The following TRAF7 variants were observed in gnomAD, a reference collection of about 807,000 sequenced individuals.
TRAF7 encodes the protein TNF receptor associated factor 7, also known as E3 ubiquitin-protein ligase TRAF7.
In TRAF7, 45 loss-of-function variants were observed where a neutral mutation model predicts 89.3. The observed-to-expected ratio is 0.50, with a 90% CI of 0.40 to 0.65. The LOEUF (loss-of-function observed/expected upper bound fraction) is 0.65. Ranked by LOEUF, TRAF7 falls within the 30% of genes least tolerant of loss-of-function variation. The pLI, the probability that TRAF7 is intolerant of heterozygous loss-of-function variation, is 0.00. For missense variants in TRAF7, 677 were observed against 918.1 expected, an observed-to-expected ratio of 0.74 and a Z score of 3.39; for synonymous variants, 406 against 369.2, an observed-to-expected ratio of 1.10 and a Z score of -1.14.
chr16:2,175,694 C>G (rs1287319368), intron 17 of TRAF7, 72 bp downstream of exon 17: 1 of 1,591,208 alleles, frequency 6.3e-7, no homozygotes, highest in Non-Finnish European at 8.6e-7. Context: ...GCACCTGGGG[C>G]TCCATCTGCC....
In TRAF7 at chr16:2,176,036, C is replaced by T. The variant is rs371518093; in HGVS notation, c.1747-13C>T. ...CTCAGTGTCTTTGACCTGCCTGTGC[C>T]CACCCCTCCCAGGTGTGGGACATTG... On this transcript the variant is annotated splice_polypyrimidine_tract_variant and intron_variant, in intron 18 of 20. Transcript: ENST00000326181. 34 of 1,607,594 alleles carry T rather than the reference C, an allele frequency of 2.1e-5. No individual in the cohort carries two copies. Among genetic ancestry groups the T allele is most frequent in the Non-Finnish European group, 2.7e-5 (32 of 1,176,366 alleles).
At position 2,170,675 on chromosome 16, in the gene TRAF7, A is replaced by G; in HGVS notation, c.293A>G (p.Glu98Gly). Residue 98 changes from glutamate to glycine, a missense_variant, in exon 5 of 21, where the codon GAG becomes GGG. Glu to Gly is a moderately conservative substitution (Grantham distance 98). Coordinates refer to ENST00000326181, the MANE Select transcript of TRAF7 (RefSeq NM_032271.3). ...ATCTCTGTCCGCTCCCTGCACTCAGAGTCCAGCATGTCTCTGCGCTCCACA... is the reference window on the plus strand; with the variant it reads ...ATCTCTGTCCGCTCCCTGCACTCAGGGTCCAGCATGTCTCTGCGCTCCACA... ...SAISVRSLHS[E>G]SSMSLRSTFS... is the part of the protein sequence containing the mutation. 2 of 1,609,614 alleles carry G rather than the reference A, an allele frequency of 1.2e-6. No homozygotes were observed. Among genetic ancestry groups the G allele is most frequent in the Non-Finnish European group, 8.5e-7 (1 of 1,178,424 alleles).
intron 1 of TRAF7, among the ~76,000 whole-genome samples, chr16:2,157,368 C>G (rs541921173): frequency 2.0e-5 from 3 of 152,244 alleles, no homozygotes; most frequent in East Asian, 1.9e-4. Flanking sequence ...CTGAGGGTCT[C>G]TGGTGAAGTG....
chr16:2,176,534 C>G, intron 20 of TRAF7, 26 bp from the exon 21 acceptor site: 1 of 1,613,278 alleles, frequency 6.2e-7, no homozygotes. Context: ...GCAGGACATC[C>G]TGGTGAAGCA....
intron 4 of TRAF7, among the ~76,000 whole-genome samples, chr16:2,169,025 GC>G (rs1353758052): frequency 6.6e-6 from 1 of 151,940 alleles, no homozygotes; most frequent in Non-Finnish European, 1.5e-5. Flanking sequence ...TGCTCTTGCT[GC>G]CCAGGCTGGA....
chr16:2,165,899 C>A lies in TRAF7; in HGVS notation c.102C>A (p.Phe34Leu). Residue 34 changes from phenylalanine (F) to leucine (L), a missense_variant, in exon 3 of 21, where the codon TTC (phenylalanine) becomes TTA (leucine). Transcript: ENST00000326181. ...VTTGTRMETT[F>L]GPAFSAVTTI... Reference sequence around the variant, plus strand: ...TCTAGACCAGAATGGAAACGACCTTCGGACCCGCCTTTTCAGCCGTCACCA... The same window carrying A: ...TCTAGACCAGAATGGAAACGACCTTAGGACCCGCCTTTTCAGCCGTCACCA... 6.2e-7 allele frequency: 1 copy of A among 1,614,112 alleles called. No homozygotes were observed. Among genetic ancestry groups the A allele is most frequent in the East Asian group, 2.2e-5 (1 of 44,888 alleles).
rs1567244719 is a variant in TRAF7 at position 2,158,796 on chromosome 16, G to A, written c.-39+2938G>A. On this transcript the variant is annotated intron_variant, in intron 1 of 20. Transcript: ENST00000326181. The surrounding 1 kb of genome is among the most constrained non-coding windows in gnomAD (Gnocchi z 4.7). ...GGGGGGGGGGGACACTGCCACCCTT[G>A]GCTCTTGGGCAAAGCTCACGACCTG... Among the ~76,000 whole-genome samples, 1 of 148,186 alleles carries A rather than the reference G, an allele frequency of 6.7e-6. No homozygotes were observed. Among genetic ancestry groups the A allele is most frequent in the Non-Finnish European group, 1.5e-5 (1 of 67,064 alleles).
chr16:2,173,859 T>TGGGGGGGGCCCCCCCCC, intron 12 of TRAF7, 23 bp downstream of exon 12: 1 of 1,246,232 alleles, frequency 8.0e-7, no homozygotes, highest in Non-Finnish European at 1.1e-6. Context: ...CCGCCGTGGC[T>TGGGGGGGGCCCCCCCCC]CCCGCCCACC....
rs1221877679 is a variant in TRAF7 at position 2,174,253 on chromosome 16, G to T, written c.1266G>T (p.Val422=). Residue 422 remains valine, a splice_region_variant and synonymous_variant, in exon 14 of 21, where the codon GTG becomes GTT. Transcript: ENST00000326181. ...CACTGTGGCCCTGGTCTCTGCAGGT[G>T]TGGGACACATGTACCACCTACAAGT... The part of the protein sequence containing the change: ...FSGSSDKTIK[V]WDTCTTYKCQ... 3 of 1,612,888 alleles carry T rather than the reference G, an allele frequency of 1.9e-6. No individual in the cohort carries two copies. The highest frequency in any genetic ancestry group is 2.5e-6 in the Non-Finnish European group (3 of 1,179,850).
In TRAF7 at chr16:2,162,830, C is replaced by T. The variant is rs780640298; in HGVS notation, c.-38-1053C>T. 2.0e-5 allele frequency among the ~76,000 whole-genome samples: 3 copies of T among 152,062 alleles called. No individual in the cohort carries two copies. The highest frequency in any genetic ancestry group is 4.4e-5 in the Non-Finnish European group (3 of 67,994). ...GGGAGCTCAGCTTCAAGCCGGGGCT[C>T]GGCTGCGCTATCCGCTGCCAGCAGG... On this transcript the variant is annotated intron_variant, in intron 1 of 20. Coordinates refer to ENST00000326181, the MANE Select transcript of TRAF7 (RefSeq NM_032271.3). This position sits in a 1 kb window ranked among gnomAD's most constrained non-coding sequence, Gnocchi z 5.0.
In TRAF7 at chr16:2,163,901, C is replaced by G. The variant is rs374884281; in HGVS notation, c.-20C>G. On this transcript the variant is annotated 5_prime_UTR_variant, in exon 2 of 21. Coordinates refer to ENST00000326181, the MANE Select transcript of TRAF7 (RefSeq NM_032271.3). The surrounding 1 kb of genome is among the most constrained non-coding windows in gnomAD (Gnocchi z 4.3). ...CCCACAGGAGGTGCTTCCCAAGGAC[C>G]GTAGATGCCTCTCTAGAGCATGAGC... 11 of 1,609,034 alleles carry G rather than the reference C, an allele frequency of 6.8e-6. No homozygotes were observed. In the East Asian group the frequency reaches 8.9e-5, roughly 13 times the overall value.
At chr16:2,157,414 A>G (rs1033913562) in intron 1 of TRAF7, among the ~76,000 whole-genome samples, 1 of 152,038 alleles carries the variant, frequency 6.6e-6, no homozygotes, top group Non-Finnish European at 1.5e-5. Context: ...AAGTGTTACG[A>G]TATTTCTGGA....
Position 2,174,124 on chromosome 16 carries a change from C to A in TRAF7, c.1263+76C>A, listed in dbSNP as rs1398979932. On this transcript the variant is annotated intron_variant, in intron 13 of 20. Coordinates refer to ENST00000326181, the MANE Select transcript of TRAF7 (RefSeq NM_032271.3). Reference sequence around the variant, plus strand: ...CCACATGCCTGGCACTGCCAGCCTGCCTATGGGTGGGACCTTCTGGGCAGG... The same window carrying A: ...CCACATGCCTGGCACTGCCAGCCTGACTATGGGTGGGACCTTCTGGGCAGG... 2.5e-6 allele frequency: 4 copies of A among 1,604,706 alleles called. No individual in the cohort carries two copies. The Admixed American group carries it at 6.7e-5, about 27-fold the overall frequency.
Position 2,168,372 on chromosome 16 carries a change from G to C in TRAF7, c.231+204G>C. On this transcript the variant is annotated intron_variant, in intron 4 of 20. Coordinates refer to ENST00000326181, the MANE Select transcript of TRAF7 (RefSeq NM_032271.3). The surrounding 1 kb of genome is among the most constrained non-coding windows in gnomAD (Gnocchi z 4.1). ...GTGGCTGGACTGTGGGTGGCAGGGG[G>C]CAGCCAGTGAGGGCAGCTGGGTCAG... 1.8e-6 allele frequency: 1 copy of C among 543,678 alleles called. No individual in the cohort carries two copies. Among genetic ancestry groups the C allele is most frequent in the Non-Finnish European group, 3.3e-6 (1 of 304,806 alleles). 33.7% of individuals were successfully genotyped at this position (543,678 alleles called of 1,614,324 possible).
rs2093096453 is a variant in TRAF7, at chr16:2,168,644, G to A, written c.231+476G>A. 1 of 156,520 alleles carries A rather than the reference G, an allele frequency of 6.4e-6. No individual in the cohort carries two copies. Among genetic ancestry groups the A allele is most frequent in the African/African-American group, 2.4e-5 (1 of 41,554 alleles). The allele number at this position is 156,520 out of a possible 1,614,324, so 9.7% of individuals were successfully genotyped here. On this transcript the variant is annotated intron_variant, in intron 4 of 20. Transcript: ENST00000326181. This position sits in a 1 kb window ranked among gnomAD's most constrained non-coding sequence, Gnocchi z 4.1. ...GGACACCAGAGGCAATGGGGTGGGG[G>A]TTGCGGAACCTGCGCCAAGTGCTGG...
Position 2,157,123 on chromosome 16 carries a change from G to A in TRAF7, c.-39+1265G>A, listed in dbSNP as rs551283390. Among the ~76,000 whole-genome samples the A allele has an allele frequency of 1.3e-3, 190 of 151,526 alleles. 1 individual carries two copies. Among genetic ancestry groups the A allele is most frequent in the Admixed American group, 4.5e-3 (68 of 15,200 alleles). On this transcript the variant is annotated intron_variant, in intron 1 of 20. Transcript: ENST00000326181. ...TTCCTGGGCACACACAGGCCCCCTA[G>A]CCCTCGCCAAGTGAGGAGCCTCCCT...
intron 5 of TRAF7, 90 bp downstream of exon 5, chr16:2,170,820 C>A: frequency 7.9e-7 from 1 of 1,268,504 alleles, no homozygotes; most frequent in Non-Finnish European, 1.1e-6. Context: ...CATGCCCGCC[C>A]AGCTCACAGG....
rs2093061471 is a variant in TRAF7, at chr16:2,162,366, A to G, written c.-38-1517A>G. ...GCCGGGCTGGGGGGCCCCAGGCCAGACTGTGGGCACGGTGGTGGGTGATGA... is the reference window on the plus strand; with the variant it reads ...GCCGGGCTGGGGGGCCCCAGGCCAGGCTGTGGGCACGGTGGTGGGTGATGA... On this transcript the variant is annotated intron_variant, in intron 1 of 20. Transcript: ENST00000326181. The surrounding 1 kb of genome is among the most constrained non-coding windows in gnomAD (Gnocchi z 5.0). Among the ~76,000 whole-genome samples, 1 of 152,118 alleles carries G rather than the reference A, an allele frequency of 6.6e-6. No homozygotes were observed. Among genetic ancestry groups the G allele is most frequent in the South Asian group, 2.1e-4 (1 of 4,834 alleles).
Position 2,170,705 on chromosome 16 carries a change from C to T in TRAF7, c.323C>T (p.Ser108Leu), listed in dbSNP as rs2141284420. 1.2e-6 allele frequency: 2 copies of T among 1,605,452 alleles called. No homozygotes were observed. Among genetic ancestry groups the T allele is most frequent in the Non-Finnish European group, 1.7e-6 (2 of 1,176,492 alleles). ...ESSMSLRSTFSLPEEEEEPEP... is the reference protein window; with the variant it reads ...ESSMSLRSTFLLPEEEEEPEP... The stretch of plus-strand genomic sequence containing the variant: ...AGCATGTCTCTGCGCTCCACATTCT[C>T]ACTGCCCGAGGAGGAGGAGGAGCCG... Residue 108 changes from serine to leucine, a missense_variant, in exon 5 of 21, where the codon TCA (serine) becomes TTA (leucine). Around this residue, in one of 6 missense-constraint regions of TRAF7, gnomAD observed 240 missense variants for 191.9 expected, o/e 1.25. Transcript: ENST00000326181.
Sources: allele counts gnomAD v4.1 joint callset (sites outside exome capture counted in the v4.1 genomes callset), GRCh38; gene constraint gnomAD v4.1.1; regional missense constraint gnomAD v4.1.1; non-coding constraint Gnocchi (gnomAD v3.1); transcripts MANE v1.5; gene names NCBI Gene and HGNC (gene_info 2026-07-23, HGNC 2026-07-21).